CNTNAP2: variants seen among roughly 807,000 people sequenced by gnomAD.
The protein encoded by CNTNAP2 is contactin associated protein 2, also known as contactin-associated protein-like 2.
Under a neutral mutation model 155.2 loss-of-function variants are expected in CNTNAP2, and 98 were observed. The observed-to-expected ratio is 0.63, with a 90% CI of 0.54 to 0.75. The LOEUF is 0.75. Ranked by LOEUF, CNTNAP2 falls within the 30% of genes least tolerant of loss-of-function variation. The pLI is 0.00. For missense variants in CNTNAP2, 1,727 were observed against 1,688.1 expected, an observed-to-expected ratio of 1.02 and a Z score of -0.40; for synonymous variants, 651 against 631.2, an observed-to-expected ratio of 1.03 and a Z score of -0.47.
At chr7:148,149,640 C>T (rs1805260182) in intron 17 of CNTNAP2, among the ~76,000 whole-genome samples, 1 of 152,092 alleles carries the variant, frequency 6.6e-6, no homozygotes, top group Non-Finnish European at 1.5e-5. Flanking sequence ...CAACCTCCAC[C>T]TCCTGGGTTC....
rs556511380 is a variant in CNTNAP2 at position 148,082,025 on chromosome 7, C to T, written c.2384-36093C>T. ...GGGAGTCTTACTACATTGCTCAGGC[C>T]GGTCTTGAACTTCTGGGCTCAAGGG... On this transcript the variant is annotated intron_variant, in intron 15 of 23. Transcript: ENST00000361727. Among the ~76,000 whole-genome samples, 305 of 151,998 alleles carry T rather than the reference C, an allele frequency of 2.0e-3. 1 individual carries two copies. The highest frequency in any genetic ancestry group is 7.1e-3 in the African/African-American group (294 of 41,446).
intron 10 of CNTNAP2, among the ~76,000 whole-genome samples, chr7:147,413,760 C>T (rs1486109831): frequency 6.6e-6 from 1 of 152,114 alleles, no homozygotes; most frequent in African/African-American, 2.4e-5. Flanking sequence ...TGCTTGTGGG[C>T]CACATCTTGA....
intron 1 of CNTNAP2, among the ~76,000 whole-genome samples, chr7:146,500,589 G>A (rs1330778533): frequency 1.3e-5 from 2 of 152,136 alleles, no homozygotes; most frequent in African/African-American, 4.8e-5. Context: ...ACAAATGTAA[G>A]TTTCAAGCTT....
chr7:148,323,949 T>C (rs1395129415), intron 21 of CNTNAP2, among the ~76,000 whole-genome samples: 1 of 147,282 alleles, frequency 6.8e-6, no homozygotes, highest in East Asian at 2.1e-4. Flanking sequence ...AGTGGTACAA[T>C]CTCGGCTCAC....
chr7:148,327,026 A>G (rs1797904425), intron 21 of CNTNAP2, among the ~76,000 whole-genome samples: 1 of 152,190 alleles, frequency 6.6e-6, no homozygotes. Flanking sequence ...CAGGTTTGCA[A>G]CGGGCTCGCA....
intron 10 of CNTNAP2, among the ~76,000 whole-genome samples, chr7:147,433,743 G>A (rs1797503028): frequency 6.6e-6 from 1 of 152,146 alleles, no homozygotes; most frequent in Non-Finnish European, 1.5e-5. Flanking sequence ...CTGCCTGTGG[G>A]TAGACAGAGC....
At chr7:148,012,366 G>A (rs1215861183) in intron 15 of CNTNAP2, among the ~76,000 whole-genome samples, 7 of 152,216 alleles carry the variant, frequency 4.6e-5, no homozygotes, top group African/African-American at 1.7e-4. Flanking sequence ...CATAATACCA[G>A]GATAGAAAGT....
At chr7:146,368,861 T>C (rs973512590) in intron 1 of CNTNAP2, among the ~76,000 whole-genome samples, 1 of 150,332 alleles carries the variant, frequency 6.7e-6, no homozygotes, top group Non-Finnish European at 1.5e-5. Context: ...TATATATATA[T>C]ATATAGATGC....
At chr7:146,742,046 G>A (rs1286486788) in intron 1 of CNTNAP2, among the ~76,000 whole-genome samples, 1 of 148,594 alleles carries the variant, frequency 6.7e-6, no homozygotes, top group African/African-American at 2.5e-5. Flanking sequence ...TCATTCTCTT[G>A]CTTCTCCTTT....
chr7:147,979,685 C>T (rs563632471), intron 15 of CNTNAP2, among the ~76,000 whole-genome samples: 1 of 152,004 alleles, frequency 6.6e-6, no homozygotes, highest in African/African-American at 2.4e-5. Context: ...TACAGCGGTA[C>T]GATCTCAGCT....
chr7:146,180,858 C>T (rs897406769), intron 1 of CNTNAP2, among the ~76,000 whole-genome samples: 3 of 152,116 alleles, frequency 2.0e-5, no homozygotes, highest in Admixed American at 6.6e-5. Context: ...GTAAGTTTGT[C>T]GTGGTTCAAA....
rs1009452752 is a variant in CNTNAP2, at chr7:148,299,471, G to A, written c.3475+32345G>A. On this transcript the variant is annotated intron_variant, in intron 21 of 23. Coordinates refer to ENST00000361727, the MANE Select transcript of CNTNAP2 (RefSeq NM_014141.6). ...CAGAGCCAGCTCAGGCCAGGCAGGC[G>A]CGATTCTGCACAGGACAGGATGCAC... Among the ~76,000 whole-genome samples the A allele has an allele frequency of 3.9e-5, 6 of 152,318 alleles. No homozygotes were observed. In the East Asian group the frequency reaches 7.7e-4, roughly 20 times the overall value.
chr7:146,490,221 A>G (rs1797118468), intron 1 of CNTNAP2, among the ~76,000 whole-genome samples: 3 of 152,238 alleles, frequency 2.0e-5, no homozygotes, highest in Admixed American at 1.3e-4. Context: ...ACAAATATTT[A>G]TTGAACAGCT....
Position 146,932,835 on chromosome 7 carries a change from C to A in CNTNAP2, c.402+92931C>A, listed in dbSNP as rs540054677. Among the ~76,000 whole-genome samples the A allele has an allele frequency of 2.6e-5, 4 of 151,940 alleles. No homozygotes were observed. The South Asian group carries it at 8.3e-4, about 32-fold the overall frequency. The stretch of plus-strand genomic sequence containing the variant: ...CAAATCATGTGTGAACTCCCATTCA[C>A]AATTGCTTCAAAGAAAAAAAAATAC... On this transcript the variant is annotated intron_variant, in intron 3 of 23. Coordinates refer to ENST00000361727, the MANE Select transcript of CNTNAP2 (RefSeq NM_014141.6).
At chr7:147,133,124 G>T (rs771591937) in intron 8 of CNTNAP2, among the ~76,000 whole-genome samples, 8 of 152,094 alleles carry the variant, frequency 5.3e-5, no homozygotes, top group Non-Finnish European at 8.8e-5. Flanking sequence ...AGAGGCTTAG[G>T]TAATATTCTT....
intron 10 of CNTNAP2, among the ~76,000 whole-genome samples, chr7:147,441,532 T>C (rs945927763): frequency 6.6e-6 from 1 of 152,126 alleles, no homozygotes; most frequent in African/African-American, 2.4e-5. Flanking sequence ...TGTTCATTTG[T>C]GTCTGGGCAT....
At chr7:146,541,155 G>A (rs908116683) in intron 1 of CNTNAP2, among the ~76,000 whole-genome samples, 2 of 151,946 alleles carry the variant, frequency 1.3e-5, no homozygotes, top group Admixed American at 6.6e-5. Flanking sequence ...CAGAGCTAAG[G>A]AATGAATACA....
chr7:147,601,313 T>A (rs998233222), intron 12 of CNTNAP2, among the ~76,000 whole-genome samples: 5 of 150,380 alleles, frequency 3.3e-5, no homozygotes, highest in Non-Finnish European at 7.4e-5. Flanking sequence ...CAAAGGGAGA[T>A]GGGGTGGGGC....
At chr7:146,775,689 G>C (rs1039224337) in intron 2 of CNTNAP2, among the ~76,000 whole-genome samples, 1 of 151,738 alleles carries the variant, frequency 6.6e-6, no homozygotes, top group Non-Finnish European at 1.5e-5. Flanking sequence ...AAAATAAAGA[G>C]AGGGAGAAAA....
Sources: gnomAD v4.1 joint callset for allele counts (sites outside exome capture counted in the v4.1 genomes callset) on GRCh38, gnomAD v4.1.1 for gene constraint, MANE v1.5 for transcripts, NCBI Gene and HGNC (gene_info 2026-07-23, HGNC 2026-07-21) for gene names.